PTPN12: variants seen among roughly 807,000 people sequenced by gnomAD.
The protein encoded by PTPN12 is tyrosine-protein phosphatase non-receptor type 12.
PTPN12 carries 29 observed loss-of-function variants against 97.6 expected under a neutral mutation model. The observed-to-expected ratio is 0.30, with a 90% CI of 0.22 to 0.41. The LOEUF is 0.41. PTPN12 is among the 10% of genes least tolerant of loss of function. PTPN12 has a pLI of 1.00. For synonymous variants in PTPN12, 327 were observed against 300.4 expected, an observed-to-expected ratio of 1.09 and a Z score of -0.91; for missense variants, 819 against 926.0, an observed-to-expected ratio of 0.88 and a Z score of 1.50.
intron 12 of PTPN12, 111 bp downstream of exon 12, chr7:77,618,676 T>A (rs1027994687): frequency 2.6e-6 from 2 of 775,036 alleles, no homozygotes; most frequent in African/African-American, 1.8e-5. Flanking sequence ...CTTTTATTAT[T>A]ATTTTGTTAG....
intron 6 of PTPN12, among the ~76,000 whole-genome samples, chr7:77,594,368 A>G (rs559125669): frequency 6.6e-6 from 1 of 152,278 alleles, no homozygotes; most frequent in East Asian, 1.9e-4. Context: ...TACACACCAC[A>G]CTGTCTACTT....
chr7:77,621,051 CATAT>C (rs34626577), intron 12 of PTPN12, among the ~76,000 whole-genome samples: 19 of 148,720 alleles, frequency 1.3e-4, no homozygotes, highest in Non-Finnish European at 7.5e-5. Flanking sequence ...TGCTTGAATC[CATAT>C]ATATATATAT....
intron 1 of PTPN12, among the ~76,000 whole-genome samples, chr7:77,540,727 T>C (rs1356456473): frequency 6.6e-6 from 1 of 151,896 alleles, no homozygotes; most frequent in East Asian, 1.9e-4. Flanking sequence ...CTTTTTCCCC[T>C]GACTGGAAGG....
intron 2 of PTPN12, among the ~76,000 whole-genome samples, chr7:77,576,587 C>T (rs995572300): frequency 1.3e-5 from 2 of 152,076 alleles, no homozygotes; most frequent in African/African-American, 2.4e-5. Context: ...GTCCCAGCTA[C>T]TTGAGAGGCT....
At chr7:77,605,150 A>G (rs1038629777) in intron 8 of PTPN12, among the ~76,000 whole-genome samples, 1 of 152,150 alleles carries the variant, frequency 6.6e-6, no homozygotes, top group Non-Finnish European at 1.5e-5. Flanking sequence ...ATGTTTATTA[A>G]GAGTTTTAAA....
chr7:77,575,045 GC>G (rs1411572135), intron 2 of PTPN12, among the ~76,000 whole-genome samples: 2 of 151,958 alleles, frequency 1.3e-5, no homozygotes, highest in Non-Finnish European at 2.9e-5. Flanking sequence ...TGTCGGCCAG[GC>G]TGGTCTCAAA....
intron 1 of PTPN12, among the ~76,000 whole-genome samples, chr7:77,568,403 G>A (rs962092993): frequency 6.6e-6 from 1 of 152,174 alleles, no homozygotes; most frequent in Admixed American, 6.6e-5. Context: ...GGAATGTTGA[G>A]GCAGGAGGAT....
intron 4 of PTPN12, 124 bp from the exon 5 acceptor site, chr7:77,585,419 T>C (rs991442186): frequency 1.5e-5 from 11 of 726,702 alleles, no homozygotes; most frequent in Non-Finnish European, 2.5e-5. Context: ...ATATTGAAAC[T>C]ACTTTTTTAG....
intron 1 of PTPN12, among the ~76,000 whole-genome samples, chr7:77,566,989 G>A (rs1392753756): frequency 1.3e-5 from 2 of 151,752 alleles, no homozygotes; most frequent in African/African-American, 2.4e-5. Context: ...TACAGTCTAT[G>A]AATAAGGTTT....
At chr7:77,611,817 T>C (rs1183561038) in intron 11 of PTPN12, among the ~76,000 whole-genome samples, 1 of 152,216 alleles carries the variant, frequency 6.6e-6, no homozygotes, top group African/African-American at 2.4e-5. Context: ...TGTTGTGTTA[T>C]AATTCAGTGT....
chr7:77,560,326 A>C (rs1807940230), intron 1 of PTPN12, among the ~76,000 whole-genome samples: 1 of 152,208 alleles, frequency 6.6e-6, no homozygotes. Flanking sequence ...TAGGACATTT[A>C]ATTCTGTACA....
intron 6 of PTPN12, among the ~76,000 whole-genome samples, chr7:77,596,627 G>T (rs1015830368): frequency 1.3e-5 from 2 of 152,138 alleles, no homozygotes; most frequent in African/African-American, 4.8e-5. Flanking sequence ...GTTCAGGCTG[G>T]TCTTGAACCC....
Position 77,637,059 on chromosome 7 carries a change from A to G in PTPN12, c.2173+11A>G. ...AAAATGAGAAATGTGGTAAGTTGTT[A>G]GATTTTTTTTTTCCTTTTTACTGTA... On this transcript the variant is annotated intron_variant, in intron 16 of 17. Coordinates refer to ENST00000248594, the MANE Select transcript of PTPN12 (RefSeq NM_002835.4). The G allele has an allele frequency of 6.2e-7, 1 of 1,603,190 alleles. No homozygotes were observed. The highest frequency in any genetic ancestry group is 8.5e-7 in the Non-Finnish European group (1 of 1,171,482).
chr7:77,568,849 T>C (rs1469648776), intron 1 of PTPN12, among the ~76,000 whole-genome samples: 1 of 151,978 alleles, frequency 6.6e-6, no homozygotes, highest in Non-Finnish European at 1.5e-5. Flanking sequence ...AGATTCAAAA[T>C]AATATTTTGA....
chr7:77,634,130 T>C (rs1789502193), intron 14 of PTPN12, among the ~76,000 whole-genome samples: 1 of 151,990 alleles, frequency 6.6e-6, no homozygotes. Context: ...ATCCCTGTAG[T>C]TGGAGGCTGC....
chr7:77,600,988 T>G (rs1584171621), intron 8 of PTPN12, 182 bp downstream of exon 8: 2 of 553,548 alleles, frequency 3.6e-6, no homozygotes, highest in Non-Finnish European at 6.3e-6. Context: ...AGAGTATTGT[T>G]GCATTAAAAC....
At chr7:77,615,809 T>C (rs1429588562) in intron 11 of PTPN12, among the ~76,000 whole-genome samples, 1 of 152,198 alleles carries the variant, frequency 6.6e-6, no homozygotes, top group African/African-American at 2.4e-5. Flanking sequence ...TCAAAAATTA[T>C]AGGTAATAAA....
In PTPN12 at chr7:77,571,065, G is replaced by A. The variant is rs778979752; in HGVS notation, c.100-13G>A. ...TTTCTCTAAACTTTAATTTTTATTT[G>A]TTGTATTTTAAGCGGTTAAGAAGAT... is the stretch of plus-strand genomic sequence containing the variant. On this transcript the variant is annotated splice_polypyrimidine_tract_variant and intron_variant, in intron 1 of 17. Coordinates refer to ENST00000248594, the MANE Select transcript of PTPN12 (RefSeq NM_002835.4). 2.0e-6 allele frequency: 3 copies of A among 1,493,458 alleles called. No homozygotes were observed. Among genetic ancestry groups the A allele is most frequent in the Non-Finnish European group, 2.7e-6 (3 of 1,108,460 alleles). 92.5% of individuals were successfully genotyped at this position (1,493,458 alleles called of 1,614,324 possible). A position where few individuals can be genotyped will look rare whatever the true frequency, so the allele number is the denominator to read the frequency against.
intron 1 of PTPN12, among the ~76,000 whole-genome samples, chr7:77,546,450 G>A (rs890652133): frequency 6.6e-6 from 1 of 152,130 alleles, no homozygotes; most frequent in African/African-American, 2.4e-5. Flanking sequence ...TCCTCTTCCA[G>A]CATTTTATAT....
Sources: gnomAD v4.1 joint callset for allele counts (sites outside exome capture counted in the v4.1 genomes callset) on GRCh38, gnomAD v4.1.1 for gene constraint, MANE v1.5 for transcripts, NCBI Gene and HGNC (gene_info 2026-07-23, HGNC 2026-07-21) for gene names.